The following ASIC2 variants were observed in gnomAD, a reference collection of about 807,000 sequenced individuals.
The protein encoded by ASIC2 is acid-sensing ion channel 2.
Under a neutral mutation model 57.3 loss-of-function variants are expected in ASIC2, and 25 were observed. The observed-to-expected ratio is 0.44, with a 90% CI of 0.32 to 0.61. The LOEUF (loss-of-function observed/expected upper bound fraction) is 0.61. ASIC2 is among the 20% of genes least tolerant of loss of function. The pLI, the probability that ASIC2 is intolerant of heterozygous loss-of-function variation, is 0.06. For missense variants in ASIC2, 641 were observed against 738.1 expected, an observed-to-expected ratio of 0.87 and a Z score of 1.52; for synonymous variants, 319 against 307.5, an observed-to-expected ratio of 1.04 and a Z score of -0.39.
At chr17:33,379,747 C>T (rs985575555) in intron 1 of ASIC2, among the ~76,000 whole-genome samples, 1 of 152,164 alleles carries the variant, frequency 6.6e-6, no homozygotes, top group Non-Finnish European at 1.5e-5. Flanking sequence ...ATTCATTTTA[C>T]CGTTGCTAAT....
At chr17:33,110,559 C>T (rs530033927) in intron 2 of ASIC2, among the ~76,000 whole-genome samples, 2 of 152,274 alleles carry the variant, frequency 1.3e-5, no homozygotes, top group African/African-American at 4.8e-5. Flanking sequence ...TTTTATCTTT[C>T]AGTTGGAGGA....
At chr17:33,535,639 G>A (rs905383521) in intron 1 of ASIC2, among the ~76,000 whole-genome samples, 2 of 152,010 alleles carry the variant, frequency 1.3e-5, no homozygotes, top group South Asian at 2.1e-4. Flanking sequence ...TCTCTCTATC[G>A]CCTCCTGCCA....
At chr17:34,059,852 G>A (rs1339802206) in intron 1 of ASIC2, among the ~76,000 whole-genome samples, 1 of 152,174 alleles carries the variant, frequency 6.6e-6, no homozygotes, top group African/African-American at 2.4e-5. Flanking sequence ...CGCCCAAGGA[G>A]AGTTTGAGAT....
Position 33,379,962 on chromosome 17 carries a change from G to A in ASIC2, c.556-267895C>T, listed in dbSNP as rs576498043. 1.1e-4 allele frequency among the ~76,000 whole-genome samples: 17 copies of A among 152,236 alleles called. No homozygotes were observed. In the East Asian group the frequency reaches 2.1e-3, roughly 19 times the overall value. Reference sequence around the variant, plus strand: ...AGGAATTTGTTAAGAATTGGTTACAGTTGCTGGGCACGGAGGCTCATGCCT... The same window carrying A: ...AGGAATTTGTTAAGAATTGGTTACAATTGCTGGGCACGGAGGCTCATGCCT... On this transcript the variant is annotated intron_variant, in intron 1 of 9. Transcript: ENST00000359872.
rs186597764 is a variant in ASIC2, at chr17:33,230,452, C to G, written c.708+60956G>C. On this transcript the variant is annotated intron_variant, in intron 1 of 9. Transcript: ENST00000225823. ...GGGCAACACCTGCCACCACTTTTGT[C>G]TTGGTCACTGCTCACTCTGGCTGCA... Among the ~76,000 whole-genome samples the G allele has an allele frequency of 2.0e-3, 298 of 152,338 alleles. 3 individuals carry two copies. The highest frequency in any genetic ancestry group is 4.4e-4 in the Non-Finnish European group (30 of 68,024).
intron 1 of ASIC2, among the ~76,000 whole-genome samples, chr17:33,474,593 A>G (rs4795796): frequency 0.26 from 40,215 of 152,044 alleles, 5,348 homozygotes; most frequent in South Asian, 0.32. Context: ...TGAGAGGGGC[A>G]GGCGCACAAC....
chr17:33,179,797 C>G (rs573588559), intron 1 of ASIC2, among the ~76,000 whole-genome samples: 1 of 152,312 alleles, frequency 6.6e-6, no homozygotes, highest in African/African-American at 2.4e-5. Flanking sequence ...CTCCTCTGCT[C>G]AAATGGCCCT....
rs1440733004 is a variant in ASIC2, at chr17:33,292,180, C to T, written c.-65G>A. The stretch of plus-strand genomic sequence containing the variant: ...GCCGGGCGGAGCCGCCATGGGAGTC[C>T]GCAGCAGCAGTGGAAGCAGCAGCAG... On this transcript the variant is annotated 5_prime_UTR_variant, in exon 1 of 10. Coordinates refer to ENST00000225823, the MANE Select transcript of ASIC2 (RefSeq NM_183377.2). The T allele has an allele frequency of 3.0e-6, 3 of 1,014,458 alleles. No individual in the cohort carries two copies. The highest frequency in any genetic ancestry group is 3.5e-6 in the Non-Finnish European group (3 of 851,158). The allele number at this position is 1,014,458 out of a possible 1,614,324, so 62.8% of individuals were successfully genotyped here.
intron 1 of ASIC2, among the ~76,000 whole-genome samples, chr17:33,838,618 G>A (rs181698670): frequency 1.3e-5 from 2 of 152,254 alleles, no homozygotes; most frequent in Admixed American, 1.3e-4. Context: ...GTAGAACTGG[G>A]GAACTGAGCC....
intron 1 of ASIC2, among the ~76,000 whole-genome samples, chr17:33,132,654 G>A (rs1405216396): frequency 6.6e-6 from 1 of 152,188 alleles, no homozygotes; most frequent in Non-Finnish European, 1.5e-5. Context: ...CAATTTCCTG[G>A]GTAGGTAGGT....
chr17:33,055,469 C>A (rs953521909), intron 3 of ASIC2, among the ~76,000 whole-genome samples: 3 of 152,200 alleles, frequency 2.0e-5, no homozygotes, highest in Admixed American at 6.5e-5. Flanking sequence ...TATGTTATGG[C>A]TGAATTTTCT....
At chr17:34,116,951 G>T (rs1373618521) in intron 1 of ASIC2, among the ~76,000 whole-genome samples, 1 of 152,176 alleles carries the variant, frequency 6.6e-6, no homozygotes, top group Non-Finnish European at 1.5e-5. Flanking sequence ...TGTGTGCACG[G>T]AAATAAGTAT....
At chr17:33,530,419 T>C (rs903188482) in intron 1 of ASIC2, among the ~76,000 whole-genome samples, 2 of 152,272 alleles carry the variant, frequency 1.3e-5, no homozygotes, top group African/African-American at 4.8e-5. Flanking sequence ...TTGTCTGTTA[T>C]GCCCCATGGC....
chr17:33,482,199 C>T (rs1913429119), intron 1 of ASIC2, among the ~76,000 whole-genome samples: 1 of 152,298 alleles, frequency 6.6e-6, no homozygotes, highest in African/African-American at 2.4e-5. Flanking sequence ...CAGATTTTTT[C>T]CATGTGGTTG....
chr17:33,304,851 C>T (rs1906105565), intron 1 of ASIC2, among the ~76,000 whole-genome samples: 1 of 151,844 alleles, frequency 6.6e-6, no homozygotes, highest in Admixed American at 6.6e-5. Context: ...TAGTCTCCGC[C>T]TGGAGACCTG....
intron 3 of ASIC2, among the ~76,000 whole-genome samples, chr17:33,078,805 A>G (rs1160435043): frequency 6.6e-6 from 1 of 152,244 alleles, no homozygotes; most frequent in Non-Finnish European, 1.5e-5. Flanking sequence ...TCTAAGAAGA[A>G]CCAGGCTAGT....
At chr17:33,430,937 C>T (rs560735429) in intron 1 of ASIC2, among the ~76,000 whole-genome samples, 1 of 152,248 alleles carries the variant, frequency 6.6e-6, no homozygotes, top group East Asian at 1.9e-4. Flanking sequence ...AATGAGGTAT[C>T]CCCATGGACC....
At chr17:33,831,583 T>TAA (rs11314344) in intron 1 of ASIC2, among the ~76,000 whole-genome samples, 3 of 142,662 alleles carry the variant, frequency 2.1e-5, no homozygotes, top group Non-Finnish European at 4.6e-5. Flanking sequence ...TGATCTGAAG[T>TAA]AAAAAAAAAA....
intron 1 of ASIC2, among the ~76,000 whole-genome samples, chr17:33,355,636 G>C (rs1231861690): frequency 6.6e-6 from 1 of 152,152 alleles, no homozygotes; most frequent in South Asian, 2.1e-4. Flanking sequence ...GGTTTCCTCT[G>C]TTCCCATAAC....
Sources: allele counts gnomAD v4.1 joint callset (sites outside exome capture counted in the v4.1 genomes callset), GRCh38; gene constraint gnomAD v4.1.1; transcripts MANE v1.5; gene names NCBI Gene and HGNC (gene_info 2026-07-23, HGNC 2026-07-21).